Variants in P4HA2 observed in about 807,000 individuals in gnomAD.
P4HA2 encodes the protein prolyl 4-hydroxylase subunit alpha-2.
In P4HA2, 46 loss-of-function variants were observed where a neutral mutation model predicts 76.9. The ratio of observed to expected loss-of-function variants is 0.60; its 90% confidence interval spans 0.47 to 0.76. The LOEUF is 0.76. Among genes scored for constraint, P4HA2 ranks in the 30% least tolerant of loss-of-function variants. The pLI, the probability that P4HA2 is intolerant of heterozygous loss-of-function variation, is 0.00. For synonymous variants in P4HA2, 243 were observed against 254.0 expected (o/e 0.96, Z 0.41); for missense variants, 583 against 669.4 (o/e 0.87, Z 1.42).
chr5:132,223,039 A>G (rs1365036825), intron 1 of P4HA2, among the ~76,000 whole-genome samples: 11 of 152,232 alleles, frequency 7.2e-5, no homozygotes, highest in Non-Finnish European at 2.9e-5. Context: ...GGTCTCACCC[A>G]TCTCCCAGGT....
At chr5:132,210,705 C>T (rs112915746) in intron 5 of P4HA2, among the ~76,000 whole-genome samples, 182 bp from the exon 6 acceptor site, 11 of 152,218 alleles carry the variant, frequency 7.2e-5, no homozygotes, top group African/African-American at 2.6e-4. Flanking sequence ...GATGGCCCAG[C>T]CCTGCCCTGG....
At chr5:132,214,209 C>T (rs1018316934) in intron 4 of P4HA2, among the ~76,000 whole-genome samples, 156 bp from the exon 5 acceptor site, 2 of 151,964 alleles carry the variant, frequency 1.3e-5, no homozygotes, top group African/African-American at 4.8e-5. Flanking sequence ...GGAAGTTGTC[C>T]CTGATGACTC....
chr5:132,211,042 A>C (rs1002725574), intron 5 of P4HA2, among the ~76,000 whole-genome samples: 10 of 152,218 alleles, frequency 6.6e-5, no homozygotes, highest in Non-Finnish European at 1.5e-4. Context: ...AGAACAGACA[A>C]TGAATAACCC....
Position 132,208,289 on chromosome 5 carries a change from GAAAGA to G in P4HA2, c.904-410_904-406del, listed in dbSNP as rs554381521. 4.0e-3 allele frequency among the ~76,000 whole-genome samples: 530 copies of G among 134,010 alleles called. 4 individuals are homozygous for G. Among genetic ancestry groups the G allele is most frequent in the Admixed American group, 7.6e-3 (100 of 13,112 alleles). 87.9% of individuals were successfully genotyped at this position (134,010 alleles called of 152,430 possible). The stretch of plus-strand genomic sequence containing the variant: ...GCCTGGGCGACAGGGTGAGACGAAA[GAAAGA>G]AAAGAAAAGGAAAAAGAGGAAACAG... On this transcript the variant is annotated intron_variant, in intron 7 of 14. Transcript: ENST00000360568.
At chr5:132,227,540 T>G (rs1055837710) in intron 1 of P4HA2, 1 of 152,380 alleles carries the variant, frequency 6.6e-6, no homozygotes, top group East Asian at 1.9e-4. Context: ...GCCGCTGACC[T>G]CACCACCCTG....
At chr5:132,197,425 T>C (rs1750791920) in intron 12 of P4HA2, among the ~76,000 whole-genome samples, 1 of 151,956 alleles carries the variant, frequency 6.6e-6, no homozygotes, top group East Asian at 1.9e-4. Context: ...CTGGCCAACA[T>C]GGTGAAACCC....
At chr5:132,212,313 G>A (rs1396812046) in intron 5 of P4HA2, among the ~76,000 whole-genome samples, 3 of 152,110 alleles carry the variant, frequency 2.0e-5, no homozygotes, top group Admixed American at 6.5e-5. Flanking sequence ...CATGGAGGAT[G>A]GTCTTAAGCA....
At chr5:132,218,351 C>G (rs943813833) in intron 2 of P4HA2, among the ~76,000 whole-genome samples, 194 bp downstream of exon 2, 2 of 152,230 alleles carry the variant, frequency 1.3e-5, no homozygotes, top group East Asian at 3.8e-4. Flanking sequence ...ATTCAGACAT[C>G]TGGCTCCCTG....
intron 12 of P4HA2, among the ~76,000 whole-genome samples, chr5:132,196,860 C>A (rs1308047318): frequency 7.9e-3 from 786 of 99,660 alleles, no homozygotes; most frequent in East Asian, 0.014. Context: ...GAGTCTGTCT[C>A]AAAAAAAAAA....
intron 8 of P4HA2, among the ~76,000 whole-genome samples, chr5:132,206,613 A>C (rs895339355): frequency 6.6e-6 from 1 of 152,186 alleles, no homozygotes; most frequent in African/African-American, 2.4e-5. Flanking sequence ...ATGGGGAACA[A>C]ATCTTTTATG....
At chr5:132,218,328 G>A (rs1017708867) in intron 2 of P4HA2, among the ~76,000 whole-genome samples, 1 of 152,184 alleles carries the variant, frequency 6.6e-6, no homozygotes, top group Non-Finnish European at 1.5e-5. Context: ...CACTTCCCAG[G>A]AAGAAAGACC....
At position 132,190,483 on chromosome 5, in the gene P4HA2, G is replaced by A. The variant is rs1041047629; in HGVS notation, c.*2527C>T. On this transcript the variant is annotated 3_prime_UTR_variant, in exon 15 of 15. Coordinates refer to ENST00000360568, the MANE Select transcript of P4HA2 (RefSeq NM_001017974.2). ...TGCATGAGACAATTTTATATATTAA[G>A]CCCCTGAGATTTAAGGATTATTACT... 6.6e-6 allele frequency among the ~76,000 whole-genome samples: 1 copy of A among 152,124 alleles called. No homozygotes were observed. The highest frequency in any genetic ancestry group is 1.5e-5 in the Non-Finnish European group (1 of 68,028).
At chr5:132,205,633 A>G (rs528686189) in intron 8 of P4HA2, among the ~76,000 whole-genome samples, 1 of 152,282 alleles carries the variant, frequency 6.6e-6, no homozygotes, top group South Asian at 2.1e-4. Flanking sequence ...GGAGAGGAGT[A>G]GATGGACCAG....
intron 9 of P4HA2, 89 bp downstream of exon 9, chr5:132,203,993 G>A (rs528838847): frequency 3.2e-5 from 40 of 1,254,382 alleles, no homozygotes; most frequent in Non-Finnish European, 4.6e-5. Context: ...CAGCAGGCAG[G>A]AAAAGGCAAG....
chr5:132,215,236 A>G (rs954338216), intron 4 of P4HA2, among the ~76,000 whole-genome samples: 5 of 152,258 alleles, frequency 3.3e-5, no homozygotes, highest in African/African-American at 1.2e-4. Flanking sequence ...CCACACTGTC[A>G]GCATGCCCTG....
chr5:132,195,021 C>A lies in P4HA2; in HGVS notation c.1436G>T (p.Gly479Val). The A allele has an allele frequency of 6.2e-7, 1 of 1,605,566 alleles. No individual in the cohort carries two copies. The highest frequency in any genetic ancestry group is 1.7e-5 in the Admixed American group (1 of 60,018). The change falls in exon 14 of 15, where the codon GGT becomes GTT. Residue 479 changes from glycine (G) to valine (V), a missense_variant and splice_region_variant. Coordinates refer to ENST00000360568, the MANE Select transcript of P4HA2 (RefSeq NM_001017974.2). ...DLGAAIWPKKGTAVFWYNLLR... is the reference protein window; with the variant it reads ...DLGAAIWPKKVTAVFWYNLLR... ...GAGGTTGTACCAGAACACAGCTGTA[C>A]CCTGGGAAAGAGATGGCCTTTCAGA...
rs1344739822 is a variant in P4HA2, at chr5:132,191,138, A to G, written c.*1872T>C. Among the ~76,000 whole-genome samples the G allele has an allele frequency of 6.6e-6, 1 of 152,202 alleles. No homozygotes were observed. Among genetic ancestry groups the G allele is most frequent in the Non-Finnish European group, 1.5e-5 (1 of 68,022 alleles). On this transcript the variant is annotated 3_prime_UTR_variant, in exon 15 of 15. Transcript: ENST00000360568. ...AGGGCTGGGATCTCTTCATAAGGGC[A>G]CTAATCCCACTCACGTGGGCTCCAT...
Position 132,191,752 on chromosome 5 carries a change from T to TA in P4HA2, c.*1257dup, listed in dbSNP as rs965768968. 1.6e-4 allele frequency: 24 copies of TA among 152,308 alleles called. No homozygotes were observed. The highest frequency in any genetic ancestry group is 5.8e-4 in the African/African-American group (24 of 41,550). 9.4% of individuals were successfully genotyped at this position (152,308 alleles called of 1,614,324 possible). On this transcript the variant is annotated 3_prime_UTR_variant, in exon 15 of 15. Transcript: ENST00000360568. ...CTCCACATTTCCACTCCTAGATATATATCCTACAGAAATATGTGTTTATAT... is the reference window on the plus strand; with the variant it reads ...CTCCACATTTCCACTCCTAGATATATAATCCTACAGAAATATGTGTTTATAT...
At chr5:132,215,698 A>G (rs1410634238) in intron 4 of P4HA2, among the ~76,000 whole-genome samples, 1 of 152,080 alleles carries the variant, frequency 6.6e-6, no homozygotes, top group Non-Finnish European at 1.5e-5. Flanking sequence ...AGCTGGGTAC[A>G]ATGGCACTGT....
Sources: gnomAD v4.1 joint callset for allele counts (sites outside exome capture counted in the v4.1 genomes callset) on GRCh38, gnomAD v4.1.1 for gene constraint, MANE v1.5 for transcripts, NCBI Gene and HGNC (gene_info 2026-07-23, HGNC 2026-07-21) for gene names.